CNTN1: variants seen among roughly 807,000 people sequenced by gnomAD.
CNTN1 encodes the protein contactin-1.
CNTN1 carries 38 observed loss-of-function variants against 126.4 expected under a neutral mutation model. The ratio of observed to expected loss-of-function variants is 0.30; its 90% CI spans 0.23 to 0.39. The LOEUF is 0.39. Among genes scored for constraint, CNTN1 ranks in the 10% least tolerant of loss-of-function variants. The pLI is 1.00. For missense variants in CNTN1, 1,009 were observed against 1,248.4 expected (o/e 0.81, Z 2.89); for synonymous variants, 413 against 422.6 (o/e 0.98, Z 0.28).
Position 40,701,136 on chromosome 12 carries a change from G to A in CNTN1, c.-77+8544G>A, listed in dbSNP as rs545372885. Among the ~76,000 whole-genome samples, 13 of 152,168 alleles carry A rather than the reference G, an allele frequency of 8.5e-5. No individual in the cohort carries two copies. In the East Asian group the frequency reaches 1.4e-3, roughly 16 times the overall value. On this transcript the variant is annotated intron_variant, in intron 1 of 23. Coordinates refer to ENST00000551295, the MANE Select transcript of CNTN1 (RefSeq NM_001843.4). The stretch of plus-strand genomic sequence containing the variant: ...TAAAATGCTGCTATTCTAAGTGACC[G>A]GAATCTATCCCTAGACCCTCAAATA...
intron 1 of CNTN1, among the ~76,000 whole-genome samples, chr12:40,874,444 T>C (rs997142061): frequency 1.3e-5 from 2 of 152,190 alleles, no homozygotes; most frequent in African/African-American, 4.8e-5. Flanking sequence ...TTCTTGTGCA[T>C]GCTTTTGTTC....
intron 3 of CNTN1, among the ~76,000 whole-genome samples, chr12:40,911,733 G>GT (rs969810179): frequency 3.9e-5 from 6 of 152,124 alleles, no homozygotes; most frequent in Non-Finnish European, 7.4e-5. Flanking sequence ...GAGCATGCTT[G>GT]TTTTTTTTCT....
At chr12:40,719,060 T>C (rs1293386412) in intron 1 of CNTN1, among the ~76,000 whole-genome samples, 1 of 152,198 alleles carries the variant, frequency 6.6e-6, no homozygotes, top group Non-Finnish European at 1.5e-5. Context: ...CTGCATGTTA[T>C]TACGGTTCAA....
chr12:40,790,965 G>C (rs781378174), intron 1 of CNTN1, among the ~76,000 whole-genome samples: 3 of 152,096 alleles, frequency 2.0e-5, no homozygotes, highest in African/African-American at 7.2e-5. Context: ...CTGCGTTTTA[G>C]TCTCAGCCAC....
rs1259934992 is a variant in CNTN1 at position 40,993,362 on chromosome 12, G to GAGGT, written c.2113+95_2113+98dup. On this transcript the variant is annotated intron_variant, in intron 17 of 23. Transcript: ENST00000551295. ...TGAATGTATTTGAAAATAATGCTCT[G>GAGGT]AGGTAAGTGATTCATCTGAAAAGCA... is the stretch of plus-strand genomic sequence containing the variant. 9.4e-6 allele frequency: 10 copies of GAGGT among 1,060,170 alleles called. No homozygotes were observed. In the African/African-American group the frequency reaches 9.5e-5, roughly 10 times the overall value. 65.7% of individuals were successfully genotyped at this position (1,060,170 alleles called of 1,614,324 possible). A position where few individuals can be genotyped will look rare whatever the true frequency, so the allele number is the denominator to read the frequency against.
At chr12:41,002,126 TTTTG>T in intron 17 of CNTN1, among the ~76,000 whole-genome samples, 1 of 151,754 alleles carries the variant, frequency 6.6e-6, no homozygotes, top group Non-Finnish European at 1.5e-5. Context: ...TATTTTATTT[TTTTG>T]GTTCCATGTG....
intron 1 of CNTN1, among the ~76,000 whole-genome samples, chr12:40,813,589 T>C (rs1331026311): frequency 3.3e-5 from 5 of 152,238 alleles, no homozygotes; most frequent in Non-Finnish European, 7.3e-5. Context: ...TTATTCAGTC[T>C]ATCATTGGTG....
At chr12:40,756,427 A>T (rs1938611391) in intron 1 of CNTN1, among the ~76,000 whole-genome samples, 1 of 152,164 alleles carries the variant, frequency 6.6e-6, no homozygotes, top group Non-Finnish European at 1.5e-5. Flanking sequence ...GGAAGTCAAT[A>T]ACTAAAAGGT....
At chr12:40,700,165 T>G (rs549653514) in intron 1 of CNTN1, among the ~76,000 whole-genome samples, 1 of 152,280 alleles carries the variant, frequency 6.6e-6, no homozygotes, top group Non-Finnish European at 1.5e-5. Context: ...TTGAAGTATT[T>G]GCCTTTTATA....
chr12:41,065,433 T>C (rs1040778995), intron 23 of CNTN1, among the ~76,000 whole-genome samples: 11 of 152,144 alleles, frequency 7.2e-5, no homozygotes, highest in Admixed American at 7.2e-4. Flanking sequence ...AACAGAAACC[T>C]GTAGTCCGAC....
At chr12:40,712,975 A>C in intron 1 of CNTN1, among the ~76,000 whole-genome samples, 1 of 151,958 alleles carries the variant, frequency 6.6e-6, no homozygotes, top group East Asian at 1.9e-4. Flanking sequence ...CTGGTTGTTA[A>C]AAAAAAGTCT....
rs565934768 is a variant in CNTN1, at chr12:41,070,125, C to G, written c.*90C>G. 1.9e-6 allele frequency: 2 copies of G among 1,077,814 alleles called. No individual in the cohort carries two copies. The highest frequency in any genetic ancestry group is 1.3e-5 in the South Asian group (1 of 79,560). The allele number at this position is 1,077,814 out of a possible 1,614,324, so 66.8% of individuals were successfully genotyped here. A position where few individuals can be genotyped will look rare whatever the true frequency, so the allele number is the denominator to read the frequency against. On this transcript the variant is annotated 3_prime_UTR_variant, in exon 24 of 24. Transcript: ENST00000551295. ...ACAATTCCTTCCAATTTCTGCGGCT[C>G]CATCCTAAGCCAAATAAATTATACT...
At chr12:41,014,948 A>G (rs964024799) in intron 18 of CNTN1, among the ~76,000 whole-genome samples, 4 of 152,214 alleles carry the variant, frequency 2.6e-5, no homozygotes, top group African/African-American at 9.6e-5. Context: ...ATTTATCCAG[A>G]TAACATGGTT....
intron 1 of CNTN1, among the ~76,000 whole-genome samples, chr12:40,879,165 C>T (rs1299439223): frequency 6.6e-6 from 1 of 151,938 alleles, no homozygotes; most frequent in African/African-American, 2.4e-5. Context: ...TTTAAGGCAC[C>T]ATGATGACTT....
chr12:41,026,566 G>A (rs1949041761), intron 21 of CNTN1, among the ~76,000 whole-genome samples: 1 of 152,176 alleles, frequency 6.6e-6, no homozygotes. Context: ...ACTCTAAGTA[G>A]TACAAAACCT....
chr12:40,991,180 T>G (rs1948087182), intron 16 of CNTN1, among the ~76,000 whole-genome samples: 1 of 152,222 alleles, frequency 6.6e-6, no homozygotes, highest in African/African-American at 2.4e-5. Context: ...CAGCTTCTGA[T>G]GGCTCCACAT....
At chr12:40,826,584 G>A (rs182415974) in intron 1 of CNTN1, among the ~76,000 whole-genome samples, 2 of 152,252 alleles carry the variant, frequency 1.3e-5, no homozygotes, top group Admixed American at 6.5e-5. Context: ...GCTCAGCAGG[G>A]ATTATACTTC....
chr12:41,021,476 C>A (rs1948909940), intron 20 of CNTN1, among the ~76,000 whole-genome samples: 1 of 152,060 alleles, frequency 6.6e-6, no homozygotes, highest in African/African-American at 2.4e-5. Context: ...TGCTGAGCAC[C>A]TGGCAGGCTC....
At chr12:40,807,278 T>C (rs73114723) in intron 1 of CNTN1, among the ~76,000 whole-genome samples, 3,454 of 151,942 alleles carry the variant, frequency 0.023, 128 homozygotes, top group African/African-American at 0.078. Context: ...ATATAAATGG[T>C]TCCCTCAATT....
Sources: allele counts gnomAD v4.1 joint callset (sites outside exome capture counted in the v4.1 genomes callset), GRCh38; gene constraint gnomAD v4.1.1; transcripts MANE v1.5; gene names NCBI Gene and HGNC (gene_info 2026-07-23, HGNC 2026-07-21).